EPHA3: variants seen among roughly 807,000 people sequenced by gnomAD.
EPHA3 encodes the protein EPH receptor A3.
EPHA3 carries 42 observed loss-of-function variants against 107.1 expected under a neutral mutation model. That is an observed-to-expected ratio of 0.39 (90% CI 0.31 to 0.51). The LOEUF is 0.51. Ranked by LOEUF, EPHA3 falls within the 20% of genes least tolerant of loss-of-function variation. EPHA3 has a pLI of 0.78. For missense variants in EPHA3, 1,183 were observed against 1,211.2 expected (o/e 0.98, Z 0.35); for synonymous variants, 461 against 424.8 (o/e 1.09, Z -1.05).
intron 6 of EPHA3, among the ~76,000 whole-genome samples, chr3:89,397,927 AT>A (rs1388267180): frequency 6.6e-6 from 1 of 152,220 alleles, no homozygotes; most frequent in African/African-American, 2.4e-5. Context: ...AAATGGTCAA[AT>A]CTATTGATTA....
chr3:89,257,338 T>G (rs1169344674), intron 3 of EPHA3, among the ~76,000 whole-genome samples: 2 of 152,132 alleles, frequency 1.3e-5, no homozygotes, highest in Non-Finnish European at 2.9e-5. Flanking sequence ...TCAGTCACGT[T>G]TAGGTCTGGT....
intron 4 of EPHA3, among the ~76,000 whole-genome samples, chr3:89,341,310 T>C (rs1366258464): frequency 6.6e-6 from 1 of 152,140 alleles, no homozygotes; most frequent in East Asian, 1.9e-4. Flanking sequence ...AGAGAGAACA[T>C]TTTCTGTGTC....
intron 5 of EPHA3, among the ~76,000 whole-genome samples, chr3:89,367,876 G>T (rs548376656): frequency 6.6e-6 from 1 of 150,606 alleles, no homozygotes; most frequent in African/African-American, 2.4e-5. Context: ...CTCCCATAGG[G>T]CTACAGAATC....
rs2107508452 is a variant in EPHA3, at chr3:89,399,429, G to T, written c.1543G>T (p.Ala515Ser). 2 of 1,614,008 alleles carry T rather than the reference G, an allele frequency of 1.2e-6. No individual in the cohort carries two copies. The highest frequency in any genetic ancestry group is 1.7e-6 in the Non-Finnish European group (2 of 1,179,978). ...YVFQIRARTA[A>S]GYGTNSRKFE... is the part of the protein sequence containing the mutation. Reference sequence around the variant, plus strand: ...ATTCCAAATCCGAGCCCGAACAGCCGCTGGATATGGGACGAACAGCCGCAA... The same window carrying T: ...ATTCCAAATCCGAGCCCGAACAGCCTCTGGATATGGGACGAACAGCCGCAA... Residue 515 changes from alanine (A) to serine (S), a missense_variant, in exon 7 of 17, where the codon GCT (alanine) becomes TCT (serine). Physicochemically the swap from Ala to Ser is moderately conservative, Grantham distance 99. Coordinates refer to ENST00000336596, the MANE Select transcript of EPHA3 (RefSeq NM_005233.6).
At chr3:89,200,854 A>G (rs1188358541) in intron 2 of EPHA3, among the ~76,000 whole-genome samples, 1 of 152,102 alleles carries the variant, frequency 6.6e-6, no homozygotes, top group Non-Finnish European at 1.5e-5. Flanking sequence ...AAGTGTTCCC[A>G]GTCTGAGTGA....
chr3:89,376,175 A>G (rs1708400102), intron 5 of EPHA3, among the ~76,000 whole-genome samples: 1 of 151,960 alleles, frequency 6.6e-6, no homozygotes, highest in Non-Finnish European at 1.5e-5. Context: ...AAGGAGCACT[A>G]TAAGACTAAT....
At chr3:89,187,501 C>G (rs1442783735) in intron 2 of EPHA3, among the ~76,000 whole-genome samples, 5 of 151,232 alleles carry the variant, frequency 3.3e-5, no homozygotes, top group African/African-American at 1.2e-4. Flanking sequence ...TTACAATATA[C>G]TTATTGAATA....
chr3:89,397,045 C>T (rs1039276186), intron 6 of EPHA3, among the ~76,000 whole-genome samples: 2 of 152,014 alleles, frequency 1.3e-5, no homozygotes, highest in African/African-American at 4.8e-5. Context: ...ATAATAGATC[C>T]TTATAAGAAT....
At chr3:89,479,248 C>T (rs779801826) in intron 16 of EPHA3, 149 bp from the exon 17 acceptor site, 31 of 635,744 alleles carry the variant, frequency 4.9e-5, no homozygotes, top group African/African-American at 7.3e-5. Context: ...GATGGTGGAA[C>T]GGTCCGGACA....
chr3:89,405,820 TTGTG>T (rs2107515150), intron 7 of EPHA3, among the ~76,000 whole-genome samples: 1 of 152,224 alleles, frequency 6.6e-6, no homozygotes, highest in South Asian at 2.1e-4. Flanking sequence ...GTTCCAGGAA[TTGTG>T]TGTATTTTAA....
At chr3:89,428,095 A>T (rs1209414825) in intron 11 of EPHA3, among the ~76,000 whole-genome samples, 1 of 152,012 alleles carries the variant, frequency 6.6e-6, no homozygotes, top group Non-Finnish European at 1.5e-5. Flanking sequence ...CTAAATCATT[A>T]TCTGTAGTGG....
intron 3 of EPHA3, among the ~76,000 whole-genome samples, chr3:89,270,021 T>C (rs1304630460): frequency 6.6e-6 from 1 of 151,832 alleles, no homozygotes; most frequent in East Asian, 1.9e-4. Context: ...CTGGGAATAC[T>C]AGTAGCTCTT....
At chr3:89,430,573 A>C (rs1458890305) in intron 12 of EPHA3, among the ~76,000 whole-genome samples, 1 of 152,160 alleles carries the variant, frequency 6.6e-6, no homozygotes, top group African/African-American at 2.4e-5. Context: ...AGATTAAATT[A>C]GATTGGAAGC....
At position 89,389,319 on chromosome 3, in the gene EPHA3, A is replaced by G. The variant is rs1484669167; in HGVS notation, c.1307-6518A>G. ...GAAATGTTCCTCAGTAGGCATTGTA[A>G]TGAATGGTAAAGAAAAATAAGAGAC... On this transcript the variant is annotated intron_variant, in intron 5 of 16. Coordinates refer to ENST00000336596, the MANE Select transcript of EPHA3 (RefSeq NM_005233.6). Among the ~76,000 whole-genome samples the G allele has an allele frequency of 2.0e-5, 3 of 152,324 alleles. No homozygotes were observed. The East Asian group carries it at 5.8e-4, about 29-fold the overall frequency.
At chr3:89,219,710 G>GTT (rs1559606421) in intron 3 of EPHA3, among the ~76,000 whole-genome samples, 2 of 25,928 alleles carry the variant, frequency 7.7e-5, no homozygotes, top group South Asian at 2.0e-3. Context: ...TTTGTTTTTT[G>GTT]TTTTTTTTTT....
intron 4 of EPHA3, 93 bp downstream of exon 4, chr3:89,341,164 A>T: frequency 7.4e-7 from 1 of 1,346,820 alleles, no homozygotes; most frequent in Non-Finnish European, 1.0e-6. Context: ...CATTTGGCCC[A>T]TTTCCTTCTG....
chr3:89,322,640 A>T (rs1455394849), intron 3 of EPHA3, among the ~76,000 whole-genome samples: 1 of 152,092 alleles, frequency 6.6e-6, no homozygotes, highest in East Asian at 1.9e-4. Context: ...AAAATTTATA[A>T]TTGCCAGTAT....
At chr3:89,428,129 T>C (rs1246978824) in intron 11 of EPHA3, among the ~76,000 whole-genome samples, 1 of 152,006 alleles carries the variant, frequency 6.6e-6, no homozygotes, top group Admixed American at 6.6e-5. Flanking sequence ...TTCATAGCTC[T>C]GTGTATCCAC....
rs1276714973 is a variant in EPHA3, at chr3:89,367,314, G to C, written c.1306+25224G>C. ...CCTGTTCATTTCTCATCTCTCAAAA[G>C]TCAGTTCTTGAGTCACTTCCTGCAG... On this transcript the variant is annotated intron_variant, in intron 5 of 16. Coordinates refer to ENST00000336596, the MANE Select transcript of EPHA3 (RefSeq NM_005233.6). Among the ~76,000 whole-genome samples the C allele has an allele frequency of 1.3e-5, 2 of 150,548 alleles. 1 individual carries two copies. Among genetic ancestry groups the C allele is most frequent in the Admixed American group, 1.3e-4 (2 of 14,990 alleles).
Sources: gnomAD v4.1 joint callset for allele counts (sites outside exome capture counted in the v4.1 genomes callset) on GRCh38, gnomAD v4.1.1 for gene constraint, MANE v1.5 for transcripts, NCBI Gene and HGNC (gene_info 2026-07-23, HGNC 2026-07-21) for gene names.